The following ACYP2 variants were observed in gnomAD, a reference collection of about 807,000 sequenced individuals.
ACYP2 encodes acylphosphatase 2, also known as acylphosphatase-2.
In ACYP2, 12 loss-of-function variants were observed where a neutral mutation model predicts 11.2. That is an observed-to-expected ratio of 1.08 (90% CI 0.69 to 1.74). The LOEUF (loss-of-function observed/expected upper bound fraction) is 1.74, where lower values mean the gene tolerates loss of function less well. Among genes scored for constraint, ACYP2 ranks in the 40% most tolerant of loss-of-function variants. The pLI, the probability that ACYP2 is intolerant of heterozygous loss-of-function variation, is 0.00. For synonymous variants in ACYP2, 43 were observed against 32.2 expected, an observed-to-expected ratio of 1.33 and a Z score of -1.13; for missense variants, 134 against 101.9, an observed-to-expected ratio of 1.31 and a Z score of -1.35.
chr2:54,032,407 A>G (rs60702118), intron 2 of ACYP2, among the ~76,000 whole-genome samples: 14,866 of 152,186 alleles, frequency 0.098, 1,049 homozygotes, highest in East Asian at 0.27. Flanking sequence ...TCTTGTTTTC[A>G]TCAGGTTTGT....
intron 6 of ACYP2, among the ~76,000 whole-genome samples, chr2:54,262,575 G>C (rs908258050): frequency 6.6e-6 from 1 of 152,148 alleles, no homozygotes; most frequent in African/African-American, 2.4e-5. Context: ...ATTACCATAA[G>C]AGTATTTTTT....
At chr2:54,061,481 G>T (rs1676465738) in intron 4 of ACYP2, among the ~76,000 whole-genome samples, 1 of 152,180 alleles carries the variant, frequency 6.6e-6, no homozygotes, top group Non-Finnish European at 1.5e-5. Context: ...GACTAAAGTT[G>T]CTGATGATGT....
At chr2:54,144,096 A>G (rs1681770803) in intron 6 of ACYP2, among the ~76,000 whole-genome samples, 1 of 152,072 alleles carries the variant, frequency 6.6e-6, no homozygotes, top group African/African-American at 2.4e-5. Flanking sequence ...CAGCCACCCA[A>G]GTAGCTAGGA....
At chr2:54,243,742 G>T (rs1015623786) in intron 6 of ACYP2, among the ~76,000 whole-genome samples, 2 of 151,688 alleles carry the variant, frequency 1.3e-5, no homozygotes, top group East Asian at 3.9e-4. Flanking sequence ...GTTAATTTTT[G>T]TATCTTTTTT....
At chr2:54,244,491 T>A (rs1046474571) in intron 6 of ACYP2, among the ~76,000 whole-genome samples, 2 of 151,974 alleles carry the variant, frequency 1.3e-5, no homozygotes, top group African/African-American at 4.8e-5. Flanking sequence ...ACTCCCAAAG[T>A]GCTGGGATTA....
chr2:54,148,546 A>G (rs1456401640), intron 6 of ACYP2, among the ~76,000 whole-genome samples: 1 of 152,176 alleles, frequency 6.6e-6, no homozygotes, highest in Non-Finnish European at 1.5e-5. Flanking sequence ...TGGAATGATC[A>G]GGTGGAGATG....
intron 6 of ACYP2, among the ~76,000 whole-genome samples, chr2:54,221,897 C>T (rs1685816379): frequency 6.6e-6 from 1 of 152,134 alleles, no homozygotes; most frequent in Admixed American, 6.6e-5. Context: ...ATAAACCTGG[C>T]TGGCACTACA....
chr2:54,280,320 C>T (rs1688790361), intron 6 of ACYP2, among the ~76,000 whole-genome samples: 1 of 152,034 alleles, frequency 6.6e-6, no homozygotes, highest in Non-Finnish European at 1.5e-5. Flanking sequence ...CAGATTCTGC[C>T]AAGTTTCAGA....
chr2:54,202,405 C>CT lies in ACYP2; in HGVS notation c.404+63675dup, dbSNP rs61634500. On this transcript the variant is annotated intron_variant, in intron 6 of 6. Coordinates refer to ENST00000607452, the MANE Select transcript of ACYP2 (RefSeq NM_001320586.2). ...TACAGGCATGAGCCACTGTGCCTGG[C>CT]TTTTTTTTTTTTTTTTTTCTGAGAT... Among the ~76,000 whole-genome samples the CT allele has an allele frequency of 7.1e-3, 826 of 116,348 alleles. 18 individuals carry two copies. The highest frequency in any genetic ancestry group is 0.02 in the South Asian group (65 of 3,286). 76.3% of individuals were successfully genotyped at this position (116,348 alleles called of 152,430 possible).
intron 6 of ACYP2, among the ~76,000 whole-genome samples, chr2:54,225,947 G>A (rs1277149426): frequency 3.3e-5 from 5 of 152,182 alleles, no homozygotes; most frequent in Non-Finnish European, 5.9e-5. Context: ...TTCAGGAGAT[G>A]ACGGTCTAGT....
chr2:54,248,294 C>A (rs1687054576), intron 6 of ACYP2, among the ~76,000 whole-genome samples: 1 of 152,168 alleles, frequency 6.6e-6, no homozygotes, highest in African/African-American at 2.4e-5. Context: ...ATTAGGTTTT[C>A]ATTAGCCAAT....
chr2:54,037,107 C>T (rs1352136193), intron 2 of ACYP2, among the ~76,000 whole-genome samples: 1 of 151,968 alleles, frequency 6.6e-6, no homozygotes, highest in Non-Finnish European at 1.5e-5. Flanking sequence ...TTTCAATGGA[C>T]GTTAGAATTT....
chr2:54,034,089 A>T (rs1197889056), intron 2 of ACYP2, among the ~76,000 whole-genome samples: 1 of 152,168 alleles, frequency 6.6e-6, no homozygotes, highest in Non-Finnish European at 1.5e-5. Context: ...GAAAGCCCAA[A>T]ATAAAAGAAA....
intron 6 of ACYP2, among the ~76,000 whole-genome samples, chr2:54,212,662 T>C (rs896857235): frequency 2.6e-5 from 4 of 152,268 alleles, no homozygotes; most frequent in Admixed American, 2.6e-4. Context: ...GGAGCTAATA[T>C]GCATTCCTCA....
intron 4 of ACYP2, among the ~76,000 whole-genome samples, chr2:54,110,108 TTTTTAA>T (rs1392008809): frequency 6.6e-6 from 1 of 152,198 alleles, no homozygotes; most frequent in Non-Finnish European, 1.5e-5. Context: ...TTCTCTTCAA[TTTTTAA>T]TTTTATTTTT....
intron 2 of ACYP2, among the ~76,000 whole-genome samples, chr2:53,982,608 G>A (rs1365004608): frequency 2.0e-5 from 3 of 152,008 alleles, no homozygotes; most frequent in South Asian, 2.1e-4. Context: ...GAATTCAATC[G>A]CTCATCCAAT....
intron 2 of ACYP2, among the ~76,000 whole-genome samples, chr2:54,035,794 T>A (rs186113976): frequency 1.5e-4 from 23 of 152,268 alleles, no homozygotes; most frequent in African/African-American, 4.6e-4. Flanking sequence ...TTTGTTAACA[T>A]TTTGGGTGAT....
At chr2:53,983,776 G>A (rs994446812) in intron 2 of ACYP2, among the ~76,000 whole-genome samples, 6 of 152,174 alleles carry the variant, frequency 3.9e-5, no homozygotes, top group Non-Finnish European at 5.9e-5. Flanking sequence ...GGCTCATCAA[G>A]TCTTGCAAGC....
chr2:54,223,738 T>C (rs1046488056), intron 6 of ACYP2, among the ~76,000 whole-genome samples: 1 of 152,220 alleles, frequency 6.6e-6, no homozygotes, highest in Non-Finnish European at 1.5e-5. Flanking sequence ...TTCTCACTCA[T>C]TTCTAATATA....
Sources: gnomAD v4.1 joint callset for allele counts (sites outside exome capture counted in the v4.1 genomes callset) on GRCh38, gnomAD v4.1.1 for gene constraint, MANE v1.5 for transcripts, NCBI Gene and HGNC (gene_info 2026-07-23, HGNC 2026-07-21) for gene names.